Variants in RPS19 observed in about 807,000 individuals in gnomAD.
RPS19 encodes small ribosomal subunit protein eS19.
RPS19 carries 1 observed loss-of-function variant against 20.3 expected under a neutral mutation model. The observed-to-expected ratio is 0.05, with a 90% CI of 0.02 to 0.23. The LOEUF (loss-of-function observed/expected upper bound fraction) is 0.23. Ranked by LOEUF, RPS19 falls within the 10% of genes least tolerant of loss-of-function variation. The pLI is 1.00. For missense variants in RPS19, 111 were observed against 192.7 expected (o/e 0.58, Z 2.51); for synonymous variants, 87 against 74.8 (o/e 1.16, Z -0.84).
At chr19:41,868,068 C>T (rs1280641961) in intron 3 of RPS19, among the ~76,000 whole-genome samples, 1 of 152,168 alleles carries the variant, frequency 6.6e-6, no homozygotes, top group Non-Finnish European at 1.5e-5. Flanking sequence ...ACCCCCAATT[C>T]CCCCACTTGA....
At chr19:41,865,180 A>C (rs782586575) in intron 3 of RPS19, among the ~76,000 whole-genome samples, 2 of 152,112 alleles carry the variant, frequency 1.3e-5, no homozygotes, top group Non-Finnish European at 2.9e-5. Flanking sequence ...CATCCTGACC[A>C]ATGTGGTGAA....
intron 5 of RPS19, among the ~76,000 whole-genome samples, chr19:41,870,880 T>G (rs1367509688): frequency 2.9e-5 from 3 of 102,890 alleles, no homozygotes; most frequent in East Asian, 2.9e-4. Context: ...TTTTTTTTTT[T>G]GAGACAGAGT....
chr19:41,867,800 T>A (rs2074105725), intron 3 of RPS19, among the ~76,000 whole-genome samples: 3 of 152,268 alleles, frequency 2.0e-5, no homozygotes, highest in Non-Finnish European at 4.4e-5. Context: ...ATGAGGCCCT[T>A]TTTTTGTGTT....
chr19:41,870,926 A>C (rs902276320), intron 5 of RPS19, among the ~76,000 whole-genome samples: 23 of 126,818 alleles, frequency 1.8e-4, no homozygotes, highest in Non-Finnish European at 4.7e-5. Flanking sequence ...GCAGTGGTGC[A>C]ATGTCAGCTC....
chr19:41,864,476 G>A (rs1555840010), intron 3 of RPS19: 1 of 152,120 alleles, frequency 6.6e-6, no homozygotes, highest in African/African-American at 2.4e-5. Context: ...GACTCAGTAG[G>A]TCAGGATGGG....
In RPS19 at chr19:41,869,084, A is replaced by G. The variant is rs781998524; in HGVS notation, c.226A>G (p.Thr76Ala). 2 of 1,613,724 alleles carry G rather than the reference A, an allele frequency of 1.2e-6. No individual in the cohort carries two copies. Among genetic ancestry groups the G allele is most frequent in the Admixed American group, 3.3e-5 (2 of 60,006 alleles). ...GGGTGGCGCTGGGGTTGGCTCCATG[A>G]CCAAGATCTATGGGGGACGTCAGAG... The part of the protein sequence containing the change: ...LRGGAGVGSM[T>A]KIYGGRQRNG... Residue 76 changes from threonine to alanine, a missense_variant, in exon 4 of 6, where the codon ACC becomes GCC. Thr to Ala is a moderately conservative substitution (Grantham distance 58, BLOSUM62 0). Transcript: ENST00000598742.
chr19:41,869,296 T>A (rs1568795604), intron 4 of RPS19, 82 bp downstream of exon 4: 1 of 1,319,328 alleles, frequency 7.6e-7, no homozygotes, highest in African/African-American at 1.5e-5. Flanking sequence ...TCCTGCATAG[T>A]CTGCCCAGCC....
chr19:41,870,370 A>T (rs2074134385), intron 5 of RPS19, among the ~76,000 whole-genome samples: 1 of 152,070 alleles, frequency 6.6e-6, no homozygotes, highest in Non-Finnish European at 1.5e-5. Context: ...CTTAGTCCTC[A>T]TGCGTACTGA....
chr19:41,861,178 T>C lies in RPS19; in HGVS notation c.138T>C (p.Ala46=). 1 of 1,614,146 alleles carries C rather than the reference T, an allele frequency of 6.2e-7. No individual in the cohort carries two copies. The highest frequency in any genetic ancestry group is 8.5e-7 in the Non-Finnish European group (1 of 1,180,022). ...TVKLAKHKEL[A]PYDENWFYTR... Reference sequence around the variant, plus strand: ...AGCTGGCCAAGCACAAAGAGCTTGCTCCCTACGATGAGAACTGGTTCTACA... The same window carrying C: ...AGCTGGCCAAGCACAAAGAGCTTGCCCCCTACGATGAGAACTGGTTCTACA... Residue 46 remains alanine, a synonymous_variant, in exon 3 of 6, where the codon GCT becomes GCC. Transcript: ENST00000598742.
intron 3 of RPS19, among the ~76,000 whole-genome samples, chr19:41,865,178 C>T (rs552069422): frequency 1.3e-5 from 2 of 152,162 alleles, no homozygotes; most frequent in South Asian, 4.2e-4. Flanking sequence ...ACCATCCTGA[C>T]CAATGTGGTG....
In RPS19 at chr19:41,860,565, G is replaced by C. The variant is rs1490439754; in HGVS notation, c.1-210G>C. Reference sequence around the variant, plus strand: ...CAGGATCCTCACACGCAGGGGCCGGGCTCTGTTAGTGCGATCCAGAGAGGC... The same window carrying C: ...CAGGATCCTCACACGCAGGGGCCGGCCTCTGTTAGTGCGATCCAGAGAGGC... On this transcript the variant is annotated intron_variant, in intron 1 of 5. Coordinates refer to ENST00000598742, the MANE Select transcript of RPS19 (RefSeq NM_001022.4). 19 of 616,604 alleles carry C rather than the reference G, an allele frequency of 3.1e-5. No individual in the cohort carries two copies. The Admixed American group carries it at 4.5e-4, about 15-fold the overall frequency. The allele number at this position is 616,604 out of a possible 1,614,324, so 38.2% of individuals were successfully genotyped here.
chr19:41,871,029 GT>G (rs2123289843), intron 5 of RPS19, among the ~76,000 whole-genome samples: 1 of 151,634 alleles, frequency 6.6e-6, no homozygotes, highest in East Asian at 1.9e-4. Context: ...CACCTGGCTA[GT>G]TTTTATATTT....
At chr19:41,860,723 T>C in intron 1 of RPS19, 52 bp from the exon 2 acceptor site, 1 of 1,360,298 alleles carries the variant, frequency 7.4e-7, no homozygotes, top group Admixed American at 1.7e-5. Flanking sequence ...TCCGTGCTCT[T>C]GGCAGTCGTC....
chr19:41,868,991 T>TG, intron 3 of RPS19, 40 bp from the exon 4 acceptor site: 1 of 1,602,264 alleles, frequency 6.2e-7, no homozygotes, highest in Middle Eastern at 1.7e-4. Flanking sequence ...CCTGAGACCT[T>TG]GATCAAGACC....
intron 3 of RPS19, among the ~76,000 whole-genome samples, chr19:41,868,058 AC>A (rs1265819611): frequency 6.6e-6 from 1 of 152,038 alleles, no homozygotes; most frequent in Non-Finnish European, 1.5e-5. Context: ...TTATGGAAGA[AC>A]CCCCAATTCC....
At chr19:41,866,147 G>GTA (rs1555840446) in intron 3 of RPS19, among the ~76,000 whole-genome samples, 1 of 149,098 alleles carries the variant, frequency 6.7e-6, no homozygotes, top group South Asian at 2.1e-4. Context: ...CAGCTACTCG[G>GTA]GAGGCTGAGA....
chr19:41,870,082 A>G lies in RPS19; in HGVS notation c.411+329A>G, dbSNP rs958993052. On this transcript the variant is annotated intron_variant, in intron 5 of 5. Coordinates refer to ENST00000598742, the MANE Select transcript of RPS19 (RefSeq NM_001022.4). ...ACATGGAGAAACCCTGTCTCTACTAAAAATACAAAATTAGCCGGGTGTGGT... is the reference window on the plus strand; with the variant it reads ...ACATGGAGAAACCCTGTCTCTACTAGAAATACAAAATTAGCCGGGTGTGGT... Among the ~76,000 whole-genome samples, 5 of 152,082 alleles carry G rather than the reference A, an allele frequency of 3.3e-5. 1 individual carries two copies. Among genetic ancestry groups the G allele is most frequent in the Non-Finnish European group, 7.4e-5 (5 of 68,012 alleles).
At chr19:41,862,501 G>C (rs552139011) in intron 3 of RPS19, among the ~76,000 whole-genome samples, 88 of 152,280 alleles carry the variant, frequency 5.8e-4, no homozygotes, top group African/African-American at 2.1e-3. Flanking sequence ...CCCCCATCTT[G>C]CTTTGGCAGT....
Position 41,863,487 on chromosome 19 carries a change from T to A in RPS19, c.172+2275T>A, listed in dbSNP as rs139996160. ...AGGTTCCCTGCTATATTCCCTTTTT[T>A]CTACTCATAAGAGTCTGGCCTATTT... On this transcript the variant is annotated intron_variant, in intron 3 of 5. Transcript: ENST00000598742. Among the ~76,000 whole-genome samples the A allele has an allele frequency of 6.9e-3, 1,047 of 152,298 alleles. 5 individuals carry two copies. Among genetic ancestry groups the A allele is most frequent in the South Asian group, 0.012 (59 of 4,826 alleles).
Sources: allele counts gnomAD v4.1 joint callset (sites outside exome capture counted in the v4.1 genomes callset), GRCh38; gene constraint gnomAD v4.1.1; transcripts MANE v1.5; gene names NCBI Gene and HGNC (gene_info 2026-07-23, HGNC 2026-07-21).